KIAA1671: variants seen among roughly 807,000 people sequenced by gnomAD.
KIAA1671 encodes the protein uncharacterized protein KIAA1671.
KIAA1671 carries 52 observed loss-of-function variants against 131.2 expected under a neutral mutation model. The ratio of observed to expected loss-of-function variants is 0.40; its 90% CI spans 0.32 to 0.50. The LOEUF (loss-of-function observed/expected upper bound fraction) is 0.50. KIAA1671 is among the 20% of genes least tolerant of loss of function. The probability of loss-of-function intolerance (pLI) is 0.73; values close to 1 mark genes in which losing one functional copy is unlikely to be tolerated. For synonymous variants in KIAA1671, 1,003 were observed against 961.6 expected, an observed-to-expected ratio of 1.04 and a Z score of -0.80; for missense variants, 2,360 against 2,364.2, an observed-to-expected ratio of 1.00 and a Z score of 0.04.
At chr22:25,168,970 T>C (rs1933745179) in intron 6 of KIAA1671, among the ~76,000 whole-genome samples, 1 of 152,094 alleles carries the variant, frequency 6.6e-6, no homozygotes, top group African/African-American at 2.4e-5. Flanking sequence ...CCGGAAGGTT[T>C]TTGAGCAGGA....
chr22:25,066,241 T>C (rs1928471217), intron 6 of KIAA1671, among the ~76,000 whole-genome samples: 1 of 152,208 alleles, frequency 6.6e-6, no homozygotes, highest in Non-Finnish European at 1.5e-5. Context: ...CTCAAACTCT[T>C]GGGCTTGAGC....
At chr22:25,168,075 G>A (rs1933705417) in intron 6 of KIAA1671, among the ~76,000 whole-genome samples, 1 of 152,204 alleles carries the variant, frequency 6.6e-6, no homozygotes, top group East Asian at 1.9e-4. Flanking sequence ...CACAAGTGCT[G>A]TCTCGGCTCA....
intron 5 of KIAA1671, among the ~76,000 whole-genome samples, chr22:25,047,357 C>T (rs918441627): frequency 9.9e-5 from 15 of 151,820 alleles, no homozygotes; most frequent in Non-Finnish European, 1.9e-4. Flanking sequence ...CACCGTGTTG[C>T]CCAGGCTGGT....
chr22:25,097,479 G>A (rs183290825), intron 6 of KIAA1671, among the ~76,000 whole-genome samples: 140 of 152,274 alleles, frequency 9.2e-4, no homozygotes, highest in Non-Finnish European at 1.7e-3. Context: ...AGTGGCTCAC[G>A]CCTGTAATCC....
At position 25,195,613 on chromosome 22, in the gene KIAA1671, T is replaced by C. The variant is rs955294372; in HGVS notation, c.*3212T>C. 1 of 152,176 alleles carries C rather than the reference T, an allele frequency of 6.6e-6. No individual in the cohort carries two copies. The highest frequency in any genetic ancestry group is 1.5e-5 in the Non-Finnish European group (1 of 68,026). 9.4% of individuals were successfully genotyped at this position (152,176 alleles called of 1,614,324 possible). A position where few individuals can be genotyped will look rare whatever the true frequency, so the allele number is the denominator to read the frequency against. The stretch of plus-strand genomic sequence containing the variant: ...CAAAAGAGAAATAGGCATGAGCCTG[T>C]GGTTTTAAACTTTACAGGCTGGGCA... On this transcript the variant is annotated 3_prime_UTR_variant, in exon 13 of 13. Transcript: ENST00000358431.
intron 4 of KIAA1671, among the ~76,000 whole-genome samples, chr22:25,037,023 C>T (rs1348352724): frequency 6.6e-6 from 1 of 152,062 alleles, no homozygotes; most frequent in Non-Finnish European, 1.5e-5. Flanking sequence ...GTAAAATTTA[C>T]GTATTAAAAT....
chr22:25,018,896 G>C (rs1299589591), intron 1 of KIAA1671, among the ~76,000 whole-genome samples: 2 of 152,064 alleles, frequency 1.3e-5, no homozygotes, highest in East Asian at 1.9e-4. Flanking sequence ...TCAATTTTAG[G>C]GGGGTATACT....
chr22:25,107,224 C>G (rs1440922513), intron 6 of KIAA1671, among the ~76,000 whole-genome samples: 1 of 151,884 alleles, frequency 6.6e-6, no homozygotes, highest in Non-Finnish European at 1.5e-5. Flanking sequence ...GTGAAACCCC[C>G]CCATGACCAG....
At chr22:25,180,462 C>T (rs1204421073) in intron 9 of KIAA1671, among the ~76,000 whole-genome samples, 9 of 152,042 alleles carry the variant, frequency 5.9e-5, no homozygotes, top group Non-Finnish European at 1.2e-4. Context: ...CGATTGAACC[C>T]AGGAGGCGGA....
At chr22:25,016,574 G>A (rs1029059444) in intron 1 of KIAA1671, among the ~76,000 whole-genome samples, 13 of 152,188 alleles carry the variant, frequency 8.5e-5, no homozygotes, top group Admixed American at 6.5e-5. Flanking sequence ...CTGCAGGTTC[G>A]TAGAGGAGGT....
chr22:25,047,137 AT>A (rs1223585893), intron 5 of KIAA1671, among the ~76,000 whole-genome samples: 6 of 135,470 alleles, frequency 4.4e-5, no homozygotes, highest in Non-Finnish European at 9.2e-5. Flanking sequence ...CACCTGGCTA[AT>A]TTTTTTTCTT....
At chr22:25,067,349 T>C (rs899406839) in intron 6 of KIAA1671, among the ~76,000 whole-genome samples, 2 of 152,094 alleles carry the variant, frequency 1.3e-5, no homozygotes, top group African/African-American at 4.8e-5. Flanking sequence ...TCTCCCCGGC[T>C]GTTCCTGGTG....
At chr22:25,099,341 G>A (rs145916427) in intron 6 of KIAA1671, among the ~76,000 whole-genome samples, 4 of 152,222 alleles carry the variant, frequency 2.6e-5, no homozygotes, top group Non-Finnish European at 5.9e-5. Flanking sequence ...TGGAGGGCCA[G>A]GCAGTCAGAC....
At chr22:25,025,533 A>G (rs1925901284) in intron 1 of KIAA1671, 100 bp from the exon 2 acceptor site, 1 of 152,246 alleles carries the variant, frequency 6.6e-6, no homozygotes, top group African/African-American at 2.4e-5. Context: ...AAGCTGGAGT[A>G]GATGCCAGCG....
At chr22:25,133,287 C>A (rs1008749938) in intron 6 of KIAA1671, among the ~76,000 whole-genome samples, 1 of 152,170 alleles carries the variant, frequency 6.6e-6, no homozygotes, top group African/African-American at 2.4e-5. Context: ...AACGTACACA[C>A]CAATGGTAAG....
chr22:24,977,860 T>G (rs1319884962), intron 1 of KIAA1671, among the ~76,000 whole-genome samples: 1 of 152,208 alleles, frequency 6.6e-6, no homozygotes, highest in Non-Finnish European at 1.5e-5. Context: ...TATTCCATAC[T>G]CATAAGTGGC....
In KIAA1671 at chr22:25,039,848, T is replaced by G; in HGVS notation, c.2718T>G (p.Phe906Leu). Reference sequence around the variant, plus strand: ...AAGCACGAACACATCCAGATGCATTTGCTGTGCAGAAAGGGCCCTTCATTG... The same window carrying G: ...AAGCACGAACACATCCAGATGCATTGGCTGTGCAGAAAGGGCCCTTCATTG... ...DSQARTHPDA[F>L]AVQKGPFIVA... The change falls in exon 5 of 13, where the codon TTT (phenylalanine) becomes TTG (leucine). Residue 906 changes from phenylalanine (F) to leucine (L), a missense_variant. Coordinates refer to ENST00000358431, the MANE Select transcript of KIAA1671 (RefSeq NM_001145206.2). The G allele has an allele frequency of 1.9e-6, 3 of 1,549,916 alleles. No individual in the cohort carries two copies. Among genetic ancestry groups the G allele is most frequent in the Non-Finnish European group, 2.6e-6 (3 of 1,146,060 alleles).
At chr22:25,099,538 TTTTTTTG>T (rs1461873907) in intron 6 of KIAA1671, among the ~76,000 whole-genome samples, 13,479 of 37,290 alleles carry the variant, frequency 0.36, 2,417 homozygotes, top group African/African-American at 0.54. Flanking sequence ...AAAATGTGGG[TTTTTTTG>T]TTTTTTTTTT....
intron 10 of KIAA1671, among the ~76,000 whole-genome samples, chr22:25,184,609 T>C (rs1189308413): frequency 6.6e-6 from 1 of 152,166 alleles, no homozygotes; most frequent in Non-Finnish European, 1.5e-5. Context: ...TTTACATGGC[T>C]CCAGGAGTAA....
Sources: allele counts gnomAD v4.1 joint callset (sites outside exome capture counted in the v4.1 genomes callset), GRCh38; gene constraint gnomAD v4.1.1; transcripts MANE v1.5; gene names NCBI Gene and HGNC (gene_info 2026-07-23, HGNC 2026-07-21).